VTI1A: variants seen among roughly 807,000 people sequenced by gnomAD.
VTI1A encodes the protein vesicle transport through interaction with t-SNAREs homolog 1A.
In VTI1A, 22 loss-of-function variants were observed where a neutral mutation model predicts 34.9. That is an observed-to-expected ratio of 0.63 (90% confidence interval 0.45 to 0.90). The LOEUF is 0.90. Ranked by LOEUF, VTI1A falls within the 40% of genes least tolerant of loss-of-function variation. The probability of loss-of-function intolerance (pLI) is 0.00; values close to 1 mark genes in which losing one functional copy is unlikely to be tolerated. For synonymous variants in VTI1A, 87 were observed against 97.3 expected, an observed-to-expected ratio of 0.89 and a Z score of 0.62; for missense variants, 268 against 275.6, an observed-to-expected ratio of 0.97 and a Z score of 0.20.
At position 112,544,561 on chromosome 10, in the gene VTI1A, C is replaced by T. The variant is rs535954136; in HGVS notation, c.427+6231C>T. On this transcript the variant is annotated intron_variant, in intron 5 of 7. Transcript: ENST00000393077. ...CCATTTTGGATAGCAGTAAACGACG[C>T]GAGGTATTCAAGAGTAACGGCACCA... is the stretch of plus-strand genomic sequence containing the variant. 1.1e-4 allele frequency among the ~76,000 whole-genome samples: 16 copies of T among 151,502 alleles called. No homozygotes were observed. The East Asian group carries it at 1.9e-3, about 18-fold the overall frequency.
intron 3 of VTI1A, among the ~76,000 whole-genome samples, chr10:112,470,007 C>T (rs755077532): frequency 6.6e-6 from 1 of 152,166 alleles, no homozygotes; most frequent in African/African-American, 2.4e-5. Context: ...GAGAGCCATG[C>T]GGGGCTCATT....
At chr10:112,658,462 C>G (rs1158563636) in intron 5 of VTI1A, among the ~76,000 whole-genome samples, 1 of 152,076 alleles carries the variant, frequency 6.6e-6, no homozygotes, top group Non-Finnish European at 1.5e-5. Context: ...TTATAAAGGA[C>G]TTGACCATAT....
At chr10:112,623,776 G>T (rs574113730) in intron 5 of VTI1A, among the ~76,000 whole-genome samples, 3 of 152,304 alleles carry the variant, frequency 2.0e-5, no homozygotes, top group Non-Finnish European at 2.9e-5. Context: ...TACTGCGAGG[G>T]TTTCCAGCTT....
chr10:112,486,529 T>C (rs978782401), intron 3 of VTI1A, among the ~76,000 whole-genome samples: 3 of 152,090 alleles, frequency 2.0e-5, no homozygotes, highest in African/African-American at 7.2e-5. Flanking sequence ...TCTAATAGAC[T>C]ACTTTTCTGC....
intron 5 of VTI1A, among the ~76,000 whole-genome samples, chr10:112,620,326 C>T (rs1845681575): frequency 6.6e-6 from 1 of 152,178 alleles, no homozygotes; most frequent in Non-Finnish European, 1.5e-5. Flanking sequence ...ACTGCCTGCT[C>T]TGGAGGGATG....
intron 5 of VTI1A, among the ~76,000 whole-genome samples, chr10:112,571,774 G>GGT (rs1313047534): frequency 6.6e-6 from 1 of 151,962 alleles, no homozygotes; most frequent in Non-Finnish European, 1.5e-5. Flanking sequence ...AAGAAAAGAT[G>GGT]GTGTATACGT....
At chr10:112,574,713 G>A (rs1852266713) in intron 5 of VTI1A, among the ~76,000 whole-genome samples, 2 of 152,194 alleles carry the variant, frequency 1.3e-5, no homozygotes, top group Non-Finnish European at 2.9e-5. Flanking sequence ...TAGGCACTAG[G>A]AGCAACATAA....
intron 5 of VTI1A, among the ~76,000 whole-genome samples, chr10:112,544,239 G>T (rs913682701): frequency 1.3e-5 from 2 of 152,112 alleles, no homozygotes; most frequent in Non-Finnish European, 2.9e-5. Flanking sequence ...GCTTGATGGG[G>T]ATGGCATTTG....
At chr10:112,790,916 A>G (rs1029493815) in intron 7 of VTI1A, among the ~76,000 whole-genome samples, 19 of 152,110 alleles carry the variant, frequency 1.2e-4, no homozygotes, top group African/African-American at 3.6e-4. Context: ...CTTGCAATGA[A>G]AGACCTCATC....
intron 5 of VTI1A, among the ~76,000 whole-genome samples, chr10:112,605,552 C>T (rs1471430503): frequency 3.3e-5 from 5 of 152,156 alleles, no homozygotes; most frequent in Admixed American, 6.5e-5. Flanking sequence ...AGGATCACCG[C>T]TCCCTCTCTC....
chr10:112,462,192 T>A (rs1847750032), intron 2 of VTI1A, among the ~76,000 whole-genome samples: 1 of 152,206 alleles, frequency 6.6e-6, no homozygotes, highest in South Asian at 2.1e-4. Context: ...AAAACTCTTT[T>A]GATTTGACTA....
chr10:112,498,067 G>C (rs1849090872), intron 3 of VTI1A, among the ~76,000 whole-genome samples: 1 of 152,124 alleles, frequency 6.6e-6, no homozygotes, highest in African/African-American at 2.4e-5. Flanking sequence ...AATATTTGAT[G>C]TTCTTTGGTA....
intron 5 of VTI1A, among the ~76,000 whole-genome samples, chr10:112,623,954 G>A (rs1029554525): frequency 1.6e-4 from 24 of 152,316 alleles, no homozygotes; most frequent in Middle Eastern, 6.8e-3. Flanking sequence ...ACCTATTGTA[G>A]CAGCAGATCT....
chr10:112,752,460 A>T (rs537264751), intron 7 of VTI1A: 8 of 985,248 alleles, frequency 8.1e-6, no homozygotes, highest in African/African-American at 3.5e-5. Context: ...TAGCTTGGAG[A>T]TTTCACCCAC....
chr10:112,618,532 G>GAGAGAGAA (rs1420340311), intron 5 of VTI1A, among the ~76,000 whole-genome samples: 1 of 130,772 alleles, frequency 7.6e-6, no homozygotes. Context: ...TATAGAGAGA[G>GAGAGAGAA]AGAGAGAGAG....
chr10:112,826,724 C>G, the VTI1A span: 1 of 152,284 alleles, frequency 6.6e-6, no homozygotes, highest in East Asian at 1.9e-4. Context: ...CTTAGGTTTC[C>G]AGGAAGAAGG....
chr10:112,819,940 C>T (rs1479061484), downstream of VTI1A, among the ~76,000 whole-genome samples: 1 of 152,184 alleles, frequency 6.6e-6, no homozygotes, highest in Non-Finnish European at 1.5e-5. Context: ...GGACCAGGCC[C>T]CTTATGTAGC....
At chr10:112,758,289 C>A (rs777093648) in intron 7 of VTI1A, among the ~76,000 whole-genome samples, 38 of 152,262 alleles carry the variant, frequency 2.5e-4, no homozygotes, top group Admixed American at 1.0e-3. Context: ...TTCTTCTCAT[C>A]ATCTCTAAGG....
chr10:112,855,126 C>A, the VTI1A span, among the ~76,000 whole-genome samples: 6 of 151,946 alleles, frequency 3.9e-5, no homozygotes, highest in African/African-American at 1.5e-4. Flanking sequence ...ATGGGAAGCT[C>A]GACCCGGGAT....
Sources: gnomAD v4.1 joint callset for allele counts (sites outside exome capture counted in the v4.1 genomes callset) on GRCh38, gnomAD v4.1.1 for gene constraint, MANE v1.5 for transcripts, NCBI Gene and HGNC (gene_info 2026-07-23, HGNC 2026-07-21) for gene names.